SEPTIN9: variants seen among roughly 807,000 people sequenced by gnomAD.
The protein encoded by SEPTIN9 is septin 9, also known as septin-9.
In SEPTIN9, 13 loss-of-function variants were observed where a neutral mutation model predicts 56.6. The ratio of observed to expected loss-of-function variants is 0.23; its 90% CI spans 0.15 to 0.37. The LOEUF (loss-of-function observed/expected upper bound fraction) is 0.37. Ranked by LOEUF, SEPTIN9 falls within the 10% of genes least tolerant of loss-of-function variation. SEPTIN9 has a pLI of 1.00. For synonymous variants in SEPTIN9, 332 were observed against 334.1 expected (o/e 0.99, Z 0.07); for missense variants, 650 against 823.1 (o/e 0.79, Z 2.57).
chr17:77,348,298 T>TTG (rs1555650052), intron 2 of SEPTIN9, among the ~76,000 whole-genome samples: 2 of 141,776 alleles, frequency 1.4e-5, no homozygotes, highest in East Asian at 4.3e-4. Flanking sequence ...ATTTATGTTT[T>TTG]TTTTTTTTTT....
chr17:77,449,434 G>A lies in SEPTIN9; in HGVS notation c.722-32710G>A, dbSNP rs1224025328. On this transcript the variant is annotated intron_variant, in intron 3 of 11. Transcript: ENST00000427177. The surrounding 1 kb of genome is among the most constrained non-coding windows in gnomAD (Gnocchi z 4.6). ...CAGAGGCAGAGGAGGGGAGGAGGCT[G>A]GGCTTGGAGGAGAGCAGGGTCTTGG... Among the ~76,000 whole-genome samples, 1 of 152,168 alleles carries A rather than the reference G, an allele frequency of 6.6e-6. No individual in the cohort carries two copies. The highest frequency in any genetic ancestry group is 1.5e-5 in the Non-Finnish European group (1 of 68,038).
chr17:77,342,979 A>T (rs1354405752), intron 2 of SEPTIN9, among the ~76,000 whole-genome samples: 1 of 138,830 alleles, frequency 7.2e-6, no homozygotes, highest in Non-Finnish European at 1.5e-5. Flanking sequence ...TGTCTCAAAA[A>T]TCAATGTATC....
chr17:77,419,351 G>T (rs1305594297), intron 3 of SEPTIN9, among the ~76,000 whole-genome samples: 1 of 129,924 alleles, frequency 7.7e-6, no homozygotes, highest in Non-Finnish European at 1.7e-5. Flanking sequence ...TAACAGGCCC[G>T]TGGTCAGCAG....
At chr17:77,301,078 C>A (rs993817228) in intron 1 of SEPTIN9, among the ~76,000 whole-genome samples, 4 of 148,468 alleles carry the variant, frequency 2.7e-5, no homozygotes, top group African/African-American at 1.0e-4. Context: ...CTCAAACCAC[C>A]CCCATCCTAG....
At chr17:77,346,202 A>G (rs540433973) in intron 2 of SEPTIN9, among the ~76,000 whole-genome samples, 1 of 147,048 alleles carries the variant, frequency 6.8e-6, no homozygotes, top group East Asian at 2.2e-4. Flanking sequence ...TTGGCCTCCC[A>G]AAGTGCTGGG....
At chr17:77,392,104 C>T (rs770318179) in intron 2 of SEPTIN9, among the ~76,000 whole-genome samples, 3 of 152,228 alleles carry the variant, frequency 2.0e-5, no homozygotes, top group Non-Finnish European at 4.4e-5. Context: ...TTGTTTATTT[C>T]TCTTGGCCTC....
rs577131369 is a variant in SEPTIN9, at chr17:77,346,278, C to CTTTTTT, written c.76+39105_76+39110dup. On this transcript the variant is annotated intron_variant, in intron 2 of 11. Coordinates refer to ENST00000427177, the MANE Select transcript of SEPTIN9 (RefSeq NM_001113491.2). Reference sequence around the variant, plus strand: ...AGATTCTTAAAGCAGATCCTTAGGTCTTTTTTTTTTTTTTTTTTTTTTTTT... The same window carrying CTTTTTT: ...AGATTCTTAAAGCAGATCCTTAGGTCTTTTTTTTTTTTTTTTTTTTTTTTTTTTTTT... Among the ~76,000 whole-genome samples the CTTTTTT allele has an allele frequency of 1.5e-3, 69 of 46,300 alleles. 3 individuals carry two copies. The highest frequency in any genetic ancestry group is 2.2e-3 in the Non-Finnish European group (56 of 25,270). The allele number at this position is 46,300 out of a possible 152,430, so 30.4% of individuals were successfully genotyped here. A position where few individuals can be genotyped will look rare whatever the true frequency, so the allele number is the denominator to read the frequency against.
chr17:77,300,815 T>C (rs551037726), intron 1 of SEPTIN9, among the ~76,000 whole-genome samples: 3 of 46,962 alleles, frequency 6.4e-5, no homozygotes, highest in Middle Eastern at 0.036. Flanking sequence ...AGGCTCAAAG[T>C]GCCCCCATCC....
chr17:77,357,744 A>G (rs1207321759), intron 2 of SEPTIN9, among the ~76,000 whole-genome samples: 1 of 152,068 alleles, frequency 6.6e-6, no homozygotes, highest in Non-Finnish European at 1.5e-5. Context: ...CCTCCTGAGT[A>G]GCTGGGACCG....
At chr17:77,409,391 C>T (rs1428043619) in intron 3 of SEPTIN9, among the ~76,000 whole-genome samples, 1 of 152,156 alleles carries the variant, frequency 6.6e-6, no homozygotes. Context: ...GGAAGAGAAC[C>T]CCTCCCCTCG....
intron 1 of SEPTIN9, among the ~76,000 whole-genome samples, chr17:77,296,362 T>G (rs576529215): frequency 1.2e-4 from 18 of 151,988 alleles, no homozygotes; most frequent in African/African-American, 4.3e-4. Context: ...GATGGCTAGA[T>G]AGACAGACAA....
At chr17:77,306,176 A>G (rs72880526) in intron 1 of SEPTIN9, among the ~76,000 whole-genome samples, 10,987 of 152,170 alleles carry the variant, frequency 0.072, 610 homozygotes, top group African/African-American at 0.15. Context: ...GGAGGGTTCC[A>G]GGGAGGAACT....
At chr17:77,363,812 C>T (rs958859069) in intron 2 of SEPTIN9, among the ~76,000 whole-genome samples, 2 of 152,154 alleles carry the variant, frequency 1.3e-5, no homozygotes, top group African/African-American at 4.8e-5. Context: ...AACCAAGGAG[C>T]AGCCTTAGGA....
intron 2 of SEPTIN9, among the ~76,000 whole-genome samples, chr17:77,320,934 C>T (rs777533925): frequency 3.3e-5 from 5 of 152,304 alleles, no homozygotes; most frequent in Admixed American, 3.3e-4. Context: ...GCCCCCTTGC[C>T]GCAGGCACAG....
intron 2 of SEPTIN9, among the ~76,000 whole-genome samples, chr17:77,308,447 T>C (rs1048117142): frequency 2.0e-5 from 3 of 152,230 alleles, no homozygotes; most frequent in African/African-American, 7.2e-5. Flanking sequence ...AATAGAACCT[T>C]CTGTGATGGT....
At position 77,323,421 on chromosome 17, in the gene SEPTIN9, C is replaced by T. The variant is rs760582795; in HGVS notation, c.76+16224C>T. ...GAGTCTCCAAGAAGGGAACTTTCCA[C>T]TGGGGAGCTCTGTTGGGCTGGGAGG... On this transcript the variant is annotated intron_variant, in intron 2 of 11. Transcript: ENST00000427177. The surrounding 1 kb of genome is among the most constrained non-coding windows in gnomAD (Gnocchi z 6.8). Among the ~76,000 whole-genome samples, 2 of 152,176 alleles carry T rather than the reference C, an allele frequency of 1.3e-5. No individual in the cohort carries two copies. The highest frequency in any genetic ancestry group is 2.9e-5 in the Non-Finnish European group (2 of 68,024).
At chr17:77,385,754 C>T (rs1271937408) in intron 2 of SEPTIN9, among the ~76,000 whole-genome samples, 1 of 152,114 alleles carries the variant, frequency 6.6e-6, no homozygotes, top group Non-Finnish European at 1.5e-5. Context: ...GCCCAAAGGT[C>T]TAGGTGCCTC....
At position 77,487,168 on chromosome 17, in the gene SEPTIN9, C is replaced by T. The variant is rs774717739; in HGVS notation, c.914-256C>T. On this transcript the variant is annotated intron_variant, in intron 4 of 11. Coordinates refer to ENST00000427177, the MANE Select transcript of SEPTIN9 (RefSeq NM_001113491.2). The surrounding 1 kb of genome is among the most constrained non-coding windows in gnomAD (Gnocchi z 4.3). The stretch of plus-strand genomic sequence containing the variant: ...GATGCCGACTCTCCCAGGCCCGGCT[C>T]ACCTCTCAGGAGAGGACTGTGGCCT... Among the ~76,000 whole-genome samples the T allele has an allele frequency of 2.2e-4, 33 of 152,358 alleles. No individual in the cohort carries two copies. The Middle Eastern group carries it at 0.01, about 47-fold the overall frequency.
chr17:77,360,405 T>C (rs926355928), intron 2 of SEPTIN9, among the ~76,000 whole-genome samples: 1 of 152,180 alleles, frequency 6.6e-6, no homozygotes, highest in Non-Finnish European at 1.5e-5. Context: ...GTGGTGTGCA[T>C]GTCTTTTCCC....
Sources: gnomAD v4.1 joint callset for allele counts (sites outside exome capture counted in the v4.1 genomes callset) on GRCh38, gnomAD v4.1.1 for gene constraint, Gnocchi (gnomAD v3.1) non-coding constraint, MANE v1.5 for transcripts, NCBI Gene and HGNC (gene_info 2026-07-23, HGNC 2026-07-21) for gene names.